The following HAAO variants were observed in gnomAD, a reference collection of about 807,000 sequenced individuals.
The protein encoded by HAAO is 3-hydroxyanthranilate oxygenase.
Under a neutral mutation model 46.2 loss-of-function variants are expected in HAAO, and 49 were observed. The ratio of observed to expected loss-of-function variants is 1.06; its 90% CI spans 0.84 to 1.34. HAAO has a LOEUF of 1.34. Ranked by LOEUF, HAAO falls within the 40% of genes most tolerant of loss-of-function variation. The pLI is 0.00. For missense variants in HAAO, 408 were observed against 364.5 expected (o/e 1.12, Z -0.97); for synonymous variants, 157 against 145.2 (o/e 1.08, Z -0.58).
chr2:42,778,710 C>T (rs894318245), intron 4 of HAAO, among the ~76,000 whole-genome samples: 2 of 152,180 alleles, frequency 1.3e-5, no homozygotes, highest in African/African-American at 2.4e-5. Context: ...AAATAAACTG[C>T]ATTCCTGAAA....
chr2:42,773,977 A>C (rs564266687), intron 4 of HAAO, among the ~76,000 whole-genome samples: 1 of 152,192 alleles, frequency 6.6e-6, no homozygotes, highest in South Asian at 2.1e-4. Context: ...CTAATCGGAA[A>C]CTCAAAAGAA....
chr2:42,769,582 T>C, intron 7 of HAAO, 131 bp downstream of exon 7: 1 of 555,996 alleles, frequency 1.8e-6, no homozygotes, highest in Non-Finnish European at 2.9e-6. Flanking sequence ...TGTGTGTGTG[T>C]GTGTGTGTGT....
chr2:42,774,742 T>C (rs1479220027), intron 4 of HAAO, among the ~76,000 whole-genome samples: 2 of 152,178 alleles, frequency 1.3e-5, no homozygotes, highest in Non-Finnish European at 2.9e-5. Flanking sequence ...ATTAGAGCGC[T>C]CAGTGATCAT....
Position 42,767,629 on chromosome 2 carries a change from G to T in HAAO, c.748C>A (p.Pro250Thr). 3 of 1,572,936 alleles carry T rather than the reference G, an allele frequency of 1.9e-6. No homozygotes were observed. The highest frequency in any genetic ancestry group is 2.3e-5 in the East Asian group (1 of 42,732). ...TMGGRRLSLA[P>T]DDSLLVLAGT... is the part of the protein sequence containing the mutation. Reference sequence around the variant, plus strand: ...GCTAGCACCAGGAGGCTGTCATCAGGGGCCAGGCTCAGGCGCCGTCCCCCC... The same window carrying T: ...GCTAGCACCAGGAGGCTGTCATCAGTGGCCAGGCTCAGGCGCCGTCCCCCC... Residue 250 changes from proline (P) to threonine (T), a missense_variant, in exon 9 of 10, where the codon CCT (proline) becomes ACT (threonine). Transcript: ENST00000294973.
At chr2:42,784,761 T>C (rs1672269501) in intron 2 of HAAO, among the ~76,000 whole-genome samples, 1 of 152,204 alleles carries the variant, frequency 6.6e-6, no homozygotes, top group Non-Finnish European at 1.5e-5. Flanking sequence ...TAGAGAGATG[T>C]GGCTCTGCAG....
At position 42,767,697 on chromosome 2, in the gene HAAO, G is replaced by A. The variant is rs1166125472; in HGVS notation, c.700-20C>T. The A allele has an allele frequency of 9.6e-6, 15 of 1,565,728 alleles. No homozygotes were observed. Among genetic ancestry groups the A allele is most frequent in the African/African-American group, 2.7e-5 (2 of 73,906 alleles). On this transcript the variant is annotated intron_variant, in intron 8 of 9. Coordinates refer to ENST00000294973, the MANE Select transcript of HAAO (RefSeq NM_012205.3). ...GCCCTCCTGGAGAAGAGGAGCAGGA[G>A]AATCAAATGGAGACTGTTGGGCCTC...
chr2:42,779,436 C>G (rs1460547935), intron 4 of HAAO, among the ~76,000 whole-genome samples: 1 of 152,064 alleles, frequency 6.6e-6, no homozygotes, highest in Non-Finnish European at 1.5e-5. Context: ...GTTCTCCTGC[C>G]TCAGCCTCCT....
At chr2:42,791,675 C>T (rs550090571) in intron 1 of HAAO, among the ~76,000 whole-genome samples, 1 of 152,258 alleles carries the variant, frequency 6.6e-6, no homozygotes, top group African/African-American at 2.4e-5. Flanking sequence ...AGTCCTGGGC[C>T]TGCTGTTTGC....
intron 4 of HAAO, among the ~76,000 whole-genome samples, chr2:42,773,600 T>C (rs901024609): frequency 6.6e-6 from 1 of 150,986 alleles, no homozygotes; most frequent in Admixed American, 6.6e-5. Flanking sequence ...TTTTTTTTTT[T>C]TTTTGAGACG....
At position 42,792,489 on chromosome 2, in the gene HAAO, GC is replaced by G. The variant is rs745541615; in HGVS notation, c.47del (p.Gly16AlafsTer98). ...GVRAWVKENR[G>X]SFQPPVCNKL... ...TGTTGCAGACCGGGGGCTGGAAGGAGCCCCGGTTCTCCTTCACCCAGGCCCT... is the reference window on the plus strand; with the variant it reads ...TGTTGCAGACCGGGGGCTGGAAGGAGCCCGGTTCTCCTTCACCCAGGCCCT... On this transcript the variant is annotated frameshift_variant, in exon 1 of 10. Transcript: ENST00000294973. LOFTEE classifies it high-confidence loss of function. The G allele has an allele frequency of 1.3e-6, 2 of 1,592,070 alleles. No individual in the cohort carries two copies. The highest frequency in any genetic ancestry group is 1.7e-6 in the Non-Finnish European group (2 of 1,169,894).
rs58425059 is a variant in HAAO at position 42,773,583 on chromosome 2, A to ATT, written c.351-3003_351-3002dup. On this transcript the variant is annotated intron_variant, in intron 4 of 9. Coordinates refer to ENST00000294973, the MANE Select transcript of HAAO (RefSeq NM_012205.3). ...ACTGCTTAGGGCAAACCTACCCCCT[A>ATT]TTTTTTTTTTTTTTTTTTTTTGAGA... is the stretch of plus-strand genomic sequence containing the variant. Among the ~76,000 whole-genome samples, 409 of 123,064 alleles carry ATT rather than the reference A, an allele frequency of 3.3e-3. 6 individuals carry two copies. Among genetic ancestry groups the ATT allele is most frequent in the African/African-American group, 9.5e-3 (307 of 32,286 alleles). 80.7% of individuals were successfully genotyped at this position (123,064 alleles called of 152,430 possible).
chr2:42,789,575 A>G (rs1359486045), intron 1 of HAAO, among the ~76,000 whole-genome samples: 2 of 151,882 alleles, frequency 1.3e-5, no homozygotes, highest in Admixed American at 1.3e-4. Context: ...TCTTAAATAA[A>G]TAAATAAATA....
intron 3 of HAAO, 24 bp downstream of exon 3, chr2:42,783,760 C>T (rs762628301): frequency 6.3e-7 from 1 of 1,597,868 alleles, no homozygotes; most frequent in South Asian, 1.1e-5. Context: ...TTCTCTTCCC[C>T]ACCCTGCTGG....
At chr2:42,771,238 A>C (rs1327711968) in intron 4 of HAAO, among the ~76,000 whole-genome samples, 1 of 151,808 alleles carries the variant, frequency 6.6e-6, no homozygotes, top group Non-Finnish European at 1.5e-5. Flanking sequence ...ATAATAAATA[A>C]ATACAAAAAA....
In HAAO at chr2:42,769,711, A is replaced by G; in HGVS notation, c.630+2T>C. The G allele has an allele frequency of 6.2e-7, 1 of 1,607,774 alleles. No individual in the cohort carries two copies. Among genetic ancestry groups the G allele is most frequent in the African/African-American group, 1.3e-5 (1 of 74,836 alleles). On this transcript the variant is annotated splice_donor_variant, in intron 7 of 9. Transcript: ENST00000294973. LOFTEE classifies it high-confidence loss of function. ...GCCCCGGATGCCCCAGGACTACATT[A>G]CCTGGGTCTCATAGGTGTCCCCAAA... is the stretch of plus-strand genomic sequence containing the variant.
intron 1 of HAAO, among the ~76,000 whole-genome samples, chr2:42,789,984 T>A (rs3772064): frequency 0.15 from 22,551 of 152,192 alleles, 1,990 homozygotes; most frequent in South Asian, 0.22. Context: ...GGGGAGGCGC[T>A]GGGTCTGGGA....
Position 42,777,514 on chromosome 2 carries a change from A to T in HAAO, c.350+5800T>A, listed in dbSNP as rs192723447. Among the ~76,000 whole-genome samples, 1,044 of 152,256 alleles carry T rather than the reference A, an allele frequency of 6.9e-3. 9 individuals carry two copies. Among genetic ancestry groups the T allele is most frequent in the Non-Finnish European group, 8.2e-3 (556 of 68,022 alleles). The stretch of plus-strand genomic sequence containing the variant: ...ACTAAGTGCCTCTCAAAGTTAGTTC[A>T]GCCTATGAACAAGGAGAGCTTGGAG... On this transcript the variant is annotated intron_variant, in intron 4 of 9. Coordinates refer to ENST00000294973, the MANE Select transcript of HAAO (RefSeq NM_012205.3).
intron 7 of HAAO, 144 bp from the exon 8 acceptor site, chr2:42,768,072 C>G: frequency 2.9e-6 from 2 of 695,048 alleles, no homozygotes; most frequent in Non-Finnish European, 4.9e-6. Flanking sequence ...GAGCAGAGAC[C>G]AGGACTTGGA....
Position 42,767,154 on chromosome 2 carries a change from G to A in HAAO, c.*283C>T. On this transcript the variant is annotated 3_prime_UTR_variant, in exon 10 of 10. Coordinates refer to ENST00000294973, the MANE Select transcript of HAAO (RefSeq NM_012205.3). Reference sequence around the variant, plus strand: ...TGGAAGTGCTGCACTGAGTCTGCAGGGACAGAGGAATGGGCAGGAGCGGGG... The same window carrying A: ...TGGAAGTGCTGCACTGAGTCTGCAGAGACAGAGGAATGGGCAGGAGCGGGG... 1 of 552,098 alleles carries A rather than the reference G, an allele frequency of 1.8e-6. No homozygotes were observed. Among genetic ancestry groups the A allele is most frequent in the Non-Finnish European group, 3.3e-6 (1 of 304,928 alleles). The allele number at this position is 552,098 out of a possible 1,614,324, so 34.2% of individuals were successfully genotyped here.
Sources: allele counts gnomAD v4.1 joint callset (sites outside exome capture counted in the v4.1 genomes callset), GRCh38; gene constraint gnomAD v4.1.1; transcripts MANE v1.5; gene names NCBI Gene and HGNC (gene_info 2026-07-23, HGNC 2026-07-21).